GALNT14: variants seen among roughly 807,000 people sequenced by gnomAD.
The protein encoded by GALNT14 is UDP-GalNAc:polypeptide N-acetylgalactosaminyltransferase 14.
A neutral mutation model predicts 77.5 loss-of-function variants in GALNT14; 60 were observed. The ratio of observed to expected loss-of-function variants is 0.77; its 90% CI spans 0.63 to 0.96. GALNT14 has a LOEUF of 0.96. Among genes scored for constraint, GALNT14 ranks in the 40% least tolerant of loss-of-function variants. The pLI, the probability that GALNT14 is intolerant of heterozygous loss-of-function variation, is 0.00. For missense variants in GALNT14, 710 were observed against 731.0 expected (o/e 0.97, Z 0.33); for synonymous variants, 280 against 281.7 (o/e 0.99, Z 0.06).
chr2:30,920,056 T>C (rs780400251), intron 13 of GALNT14, among the ~76,000 whole-genome samples: 2 of 152,226 alleles, frequency 1.3e-5, no homozygotes, highest in African/African-American at 4.8e-5. Context: ...ATGGTTTTAA[T>C]GTTTACAACC....
intron 3 of GALNT14, among the ~76,000 whole-genome samples, chr2:30,965,932 G>A (rs1475278712): frequency 6.6e-6 from 1 of 152,138 alleles, no homozygotes; most frequent in Non-Finnish European, 1.5e-5. Flanking sequence ...GAGGCCGAGG[G>A]CTCTGAGGCT....
chr2:31,102,319 C>T (rs181296495), intron 1 of GALNT14, among the ~76,000 whole-genome samples: 3 of 152,148 alleles, frequency 2.0e-5, no homozygotes, highest in African/African-American at 7.2e-5. Flanking sequence ...ACTGCTTTAG[C>T]TATATAACAT....
chr2:31,062,703 C>T (rs912226115), intron 1 of GALNT14, among the ~76,000 whole-genome samples: 2 of 150,970 alleles, frequency 1.3e-5, no homozygotes, highest in Non-Finnish European at 2.9e-5. Context: ...TCCTATTTCT[C>T]CACATCCTCT....
intron 1 of GALNT14, among the ~76,000 whole-genome samples, chr2:31,050,553 G>T (rs1289239925): frequency 6.6e-6 from 1 of 152,150 alleles, no homozygotes; most frequent in Non-Finnish European, 1.5e-5. Flanking sequence ...CAGCTCCTGG[G>T]ACAGAAAGGG....
intron 1 of GALNT14, among the ~76,000 whole-genome samples, chr2:31,000,124 G>A (rs2148418825): frequency 6.6e-6 from 1 of 152,250 alleles, no homozygotes; most frequent in South Asian, 2.1e-4. Flanking sequence ...CTTTCTAGAA[G>A]CAAGCCTATC....
At chr2:30,924,894 C>T in intron 11 of GALNT14, 71 bp from the exon 12 acceptor site, 1 of 1,272,146 alleles carries the variant, frequency 7.9e-7, no homozygotes, top group East Asian at 2.4e-5. Context: ...CCAGCAACGC[C>T]AGTCCAGACT....
chr2:30,958,205 C>T (rs961591786), intron 4 of GALNT14, among the ~76,000 whole-genome samples, 192 bp downstream of exon 4: 2 of 152,038 alleles, frequency 1.3e-5, no homozygotes, highest in Admixed American at 1.3e-4. Flanking sequence ...GCAGAGAACC[C>T]GAGAAATTGT....
the GALNT14 span, among the ~76,000 whole-genome samples, chr2:30,896,818 G>A: frequency 3.3e-5 from 5 of 151,270 alleles, no homozygotes; most frequent in Admixed American, 3.3e-4. Context: ...CTTCTCCTCT[G>A]TCTCCCACAT....
chr2:31,005,697 C>T (rs562291975), intron 1 of GALNT14, among the ~76,000 whole-genome samples: 4 of 152,182 alleles, frequency 2.6e-5, no homozygotes, highest in Non-Finnish European at 4.4e-5. Context: ...GACCGGGTGC[C>T]TCACCTCACT....
chr2:31,024,654 T>TTA (rs1295998602), intron 1 of GALNT14, among the ~76,000 whole-genome samples: 3 of 152,176 alleles, frequency 2.0e-5, no homozygotes, highest in Non-Finnish European at 4.4e-5. Context: ...ACCAGAGAGG[T>TTA]TATATATATC....
intron 9 of GALNT14, among the ~76,000 whole-genome samples, chr2:30,933,410 G>A (rs1467245270): frequency 2.0e-5 from 3 of 152,184 alleles, no homozygotes. Context: ...CAAGGATACA[G>A]GTATTACAGG....
intron 13 of GALNT14, among the ~76,000 whole-genome samples, chr2:30,916,195 T>C (rs566310954): frequency 1.2e-4 from 19 of 152,356 alleles, no homozygotes; most frequent in African/African-American, 3.1e-4. Context: ...TAATCACTTA[T>C]GTCTTTAGAT....
At chr2:30,923,425 C>T (rs963629685) in intron 13 of GALNT14, among the ~76,000 whole-genome samples, 5 of 152,154 alleles carry the variant, frequency 3.3e-5, no homozygotes, top group African/African-American at 4.8e-5. Context: ...TTTAAAACAA[C>T]AGTTCTAGCC....
chr2:31,056,244 GA>G (rs1270977197), intron 1 of GALNT14, among the ~76,000 whole-genome samples: 1 of 152,170 alleles, frequency 6.6e-6, no homozygotes, highest in Admixed American at 6.5e-5. Context: ...CCCACTTTGA[GA>G]AAATGCCAAG....
chr2:31,123,321 C>A (rs1035325693), intron 1 of GALNT14, among the ~76,000 whole-genome samples: 1 of 151,930 alleles, frequency 6.6e-6, no homozygotes, highest in African/African-American at 2.4e-5. Flanking sequence ...CCATTCTTAG[C>A]TCACAGGCCA....
chr2:31,017,670 T>C (rs1164145512), intron 1 of GALNT14, among the ~76,000 whole-genome samples: 1 of 151,936 alleles, frequency 6.6e-6, no homozygotes, highest in Non-Finnish European at 1.5e-5. Context: ...AATCTTGCAG[T>C]CCACAGAGAC....
At chr2:30,984,637 C>T (rs1462235340) in intron 2 of GALNT14, among the ~76,000 whole-genome samples, 2 of 152,176 alleles carry the variant, frequency 1.3e-5, no homozygotes, top group South Asian at 2.1e-4. Flanking sequence ...AAAACACTGG[C>T]TCTTCTATCT....
At chr2:30,901,550 G>A in the GALNT14 span, among the ~76,000 whole-genome samples, 2 of 150,724 alleles carry the variant, frequency 1.3e-5, no homozygotes, top group Non-Finnish European at 2.9e-5. Context: ...ATATATATGA[G>A]TATGTATATG....
At chr2:31,113,158 A>C (rs1169721492) in intron 1 of GALNT14, among the ~76,000 whole-genome samples, 2 of 152,202 alleles carry the variant, frequency 1.3e-5, no homozygotes, top group African/African-American at 4.8e-5. Flanking sequence ...TCACTGTTGA[A>C]ATTTCAGAAA....
Sources: gnomAD v4.1 joint callset for allele counts (sites outside exome capture counted in the v4.1 genomes callset) on GRCh38, gnomAD v4.1.1 for gene constraint, MANE v1.5 for transcripts, NCBI Gene and HGNC (gene_info 2026-07-23, HGNC 2026-07-21) for gene names.